Variants in RP1 observed in about 807,000 individuals in gnomAD.
The protein encoded by RP1 is RP1 axonemal microtubule associated, also known as oxygen-regulated protein 1.
RP1 carries 16 observed loss-of-function variants against 14.8 expected under a neutral mutation model. The observed-to-expected ratio is 1.08, with a 90% CI of 0.73 to 1.65. The LOEUF (loss-of-function observed/expected upper bound fraction) is 1.65. Ranked by LOEUF, RP1 falls within the 40% of genes most tolerant of loss-of-function variation. The probability of loss-of-function intolerance (pLI) is 0.00; values close to 1 mark genes in which losing one functional copy is unlikely to be tolerated. For synonymous variants in RP1, 876 were observed against 883.6 expected, an observed-to-expected ratio of 0.99 and a Z score of 0.15; for missense variants, 2,631 against 2,535.0, an observed-to-expected ratio of 1.04 and a Z score of -0.81.
At chr8:54,848,912 C>A (rs944318547) in intron 25 of RP1, among the ~76,000 whole-genome samples, 5 of 152,042 alleles carry the variant, frequency 3.3e-5, no homozygotes. Context: ...CCACGCCCTG[C>A]GAATTTTTGT....
intron 12 of RP1, among the ~76,000 whole-genome samples, chr8:54,688,701 T>C (rs1441519181): frequency 1.3e-5 from 2 of 152,204 alleles, no homozygotes; most frequent in African/African-American, 2.4e-5. Flanking sequence ...TACCATGCTG[T>C]TTTGGTTACT....
At chr8:54,831,776 T>C (rs1242903726) in intron 24 of RP1, among the ~76,000 whole-genome samples, 1 of 151,880 alleles carries the variant, frequency 6.6e-6, no homozygotes, top group Non-Finnish European at 1.5e-5. Flanking sequence ...CATTTACATG[T>C]CCATCTTGTA....
chr8:54,675,466 A>T (rs936865397), intron 8 of RP1, among the ~76,000 whole-genome samples: 1 of 152,162 alleles, frequency 6.6e-6, no homozygotes, highest in African/African-American at 2.4e-5. Context: ...TGGATACATC[A>T]GTTACTCTCC....
chr8:54,805,717 GT>G (rs34454448), intron 24 of RP1, among the ~76,000 whole-genome samples: 5,445 of 144,530 alleles, frequency 0.038, 179 homozygotes, highest in African/African-American at 0.086. Context: ...CATTTCTCTA[GT>G]TTTTTTTTTT....
intron 27 of RP1, among the ~76,000 whole-genome samples, chr8:54,857,911 G>A (rs993348973): frequency 1.3e-5 from 2 of 152,086 alleles, no homozygotes; most frequent in Admixed American, 1.3e-4. Context: ...CAGTTCTACT[G>A]CTAAAATGTA....
rs192509815 is a variant in RP1, at chr8:54,585,650, T to G, written c.-13+26330T>G. Among the ~76,000 whole-genome samples, 171 of 152,348 alleles carry G rather than the reference T, an allele frequency of 1.1e-3. 1 individual carries two copies. The highest frequency in any genetic ancestry group is 3.3e-3 in the Admixed American group (50 of 15,298). On this transcript the variant is annotated intron_variant, in intron 1 of 22. Transcript: ENST00000636932. ...CGGGTACACCAATAAGAGGTAGATT[T>G]GGTCTTTTCACATAGTCCTATATTT...
chr8:54,867,448 G>A (rs1184347766), intron 28 of RP1, among the ~76,000 whole-genome samples: 1 of 152,114 alleles, frequency 6.6e-6, no homozygotes, highest in Non-Finnish European at 1.5e-5. Context: ...GGCAAAGATT[G>A]AAGTTTTTTA....
chr8:54,607,602 T>C (rs982402509), intron 1 of RP1, among the ~76,000 whole-genome samples: 2 of 152,146 alleles, frequency 1.3e-5, no homozygotes, highest in African/African-American at 4.8e-5. Context: ...TCTGCATAGG[T>C]TTCTGCTGCC....
At chr8:54,651,607 A>G (rs1180209779) in intron 4 of RP1, among the ~76,000 whole-genome samples, 8 of 152,140 alleles carry the variant, frequency 5.3e-5, no homozygotes, top group Non-Finnish European at 1.5e-5. Flanking sequence ...GTCAATAGCA[A>G]TGTCTCTACT....
At chr8:54,863,921 A>G (rs1812405427) in intron 27 of RP1, among the ~76,000 whole-genome samples, 1 of 152,256 alleles carries the variant, frequency 6.6e-6, no homozygotes, top group Non-Finnish European at 1.5e-5. Flanking sequence ...ATTTCTTATC[A>G]GTATATGCCT....
At chr8:54,711,172 A>G (rs565555601) in intron 15 of RP1, among the ~76,000 whole-genome samples, 2 of 152,188 alleles carry the variant, frequency 1.3e-5, no homozygotes, top group Non-Finnish European at 2.9e-5. Context: ...TGTTTTTTTA[A>G]TAGACATTTG....
At chr8:54,856,301 T>C (rs1486562087) in intron 26 of RP1, among the ~76,000 whole-genome samples, 1 of 152,158 alleles carries the variant, frequency 6.6e-6, no homozygotes, top group African/African-American at 2.4e-5. Context: ...AGACAGTGAC[T>C]GAGAGGGGCA....
chr8:54,686,807 TACAGATTCATATAG>T (rs1807574274), intron 12 of RP1, among the ~76,000 whole-genome samples: 2 of 152,156 alleles, frequency 1.3e-5, no homozygotes, highest in Non-Finnish European at 2.9e-5. Context: ...TACTATAAAA[TACAGATTCATATAG>T]TTTTTTTAAT....
At chr8:54,691,909 G>T (rs978557488) in intron 12 of RP1, among the ~76,000 whole-genome samples, 1 of 151,928 alleles carries the variant, frequency 6.6e-6, no homozygotes, top group Non-Finnish European at 1.5e-5. Context: ...TTCGTGTACA[G>T]CACCCATTAA....
intron 12 of RP1, chr8:54,696,331 C>G: frequency 2.0e-6 from 1 of 489,866 alleles, no homozygotes; most frequent in Middle Eastern, 5.6e-4. Context: ...ATGGGCTGTG[C>G]TGACAATAGT....
At chr8:54,725,117 T>C (rs1808624029) in intron 16 of RP1, among the ~76,000 whole-genome samples, 1 of 152,206 alleles carries the variant, frequency 6.6e-6, no homozygotes, top group South Asian at 2.1e-4. Context: ...ATACATTGAT[T>C]TGTTCCTCAT....
At chr8:54,574,836 C>T (rs893811578) in intron 1 of RP1, among the ~76,000 whole-genome samples, 3 of 152,056 alleles carry the variant, frequency 2.0e-5, no homozygotes, top group Non-Finnish European at 4.4e-5. Context: ...GTTCCAGAAC[C>T]CCAGTCTGGT....
chr8:54,831,832 T>A (rs967975682), intron 24 of RP1, among the ~76,000 whole-genome samples: 1 of 151,828 alleles, frequency 6.6e-6, no homozygotes, highest in African/African-American at 2.4e-5. Flanking sequence ...TTTTTTGTAG[T>A]ACAAGTTGGC....
intron 19 of RP1, among the ~76,000 whole-genome samples, chr8:54,749,352 A>G (rs1036946703): frequency 1.3e-5 from 2 of 151,962 alleles, no homozygotes; most frequent in Non-Finnish European, 2.9e-5. Flanking sequence ...AAAACAAAAA[A>G]CAAGTAGAAT....
Sources: allele counts gnomAD v4.1 joint callset (sites outside exome capture counted in the v4.1 genomes callset), GRCh38; gene constraint gnomAD v4.1.1; transcripts MANE v1.5; gene names NCBI Gene and HGNC (gene_info 2026-07-23, HGNC 2026-07-21).